CAMK1D: variants seen among roughly 807,000 people sequenced by gnomAD.
CAMK1D encodes the protein calcium/calmodulin dependent protein kinase ID, also known as calcium/calmodulin-dependent protein kinase type 1D.
A neutral mutation model predicts 47.7 loss-of-function variants in CAMK1D; 9 were observed. The observed-to-expected ratio is 0.19, with a 90% confidence interval of 0.11 to 0.33. The LOEUF is 0.33. Ranked by LOEUF, CAMK1D falls within the 10% of genes least tolerant of loss-of-function variation. The probability of loss-of-function intolerance (pLI) is 1.00; values close to 1 mark genes in which losing one functional copy is unlikely to be tolerated. For missense variants in CAMK1D, 291 were observed against 488.7 expected, an observed-to-expected ratio of 0.60 and a Z score of 3.81; for synonymous variants, 184 against 184.9, an observed-to-expected ratio of 0.99 and a Z score of 0.04.
chr10:12,819,473 T>G (rs934754272), intron 8 of CAMK1D, among the ~76,000 whole-genome samples: 10 of 152,284 alleles, frequency 6.6e-5, no homozygotes, highest in African/African-American at 2.4e-4. Context: ...GCTTCACCAC[T>G]CACTGCCCGT....
chr10:12,807,342 G>A (rs975776419), intron 6 of CAMK1D, among the ~76,000 whole-genome samples: 16 of 152,176 alleles, frequency 1.1e-4, no homozygotes, highest in African/African-American at 2.2e-4. Context: ...GCACTGATGC[G>A]GCCACAAGCG....
At chr10:12,491,146 AGTATGT>A (rs1307184611) in intron 1 of CAMK1D, among the ~76,000 whole-genome samples, 1 of 127,876 alleles carries the variant, frequency 7.8e-6, no homozygotes, top group East Asian at 2.4e-4. Context: ...AGGGTATGAG[AGTATGT>A]GTGTGTGTGT....
At chr10:12,769,851 T>C (rs780860654) in intron 5 of CAMK1D, 52 bp downstream of exon 5, 10 of 1,600,876 alleles carry the variant, frequency 6.2e-6, no homozygotes, top group Non-Finnish European at 6.8e-6. Context: ...GATGTCCTCA[T>C]GTGTGGTGTC....
intron 2 of CAMK1D, among the ~76,000 whole-genome samples, chr10:12,604,578 T>C (rs143541391): frequency 6.6e-6 from 1 of 152,302 alleles, no homozygotes; most frequent in African/African-American, 2.4e-5. Context: ...CACTTTTAAT[T>C]ATCTCCAATG....
chr10:12,719,850 C>G (rs1043355137), intron 3 of CAMK1D, among the ~76,000 whole-genome samples: 1 of 152,236 alleles, frequency 6.6e-6, no homozygotes, highest in African/African-American at 2.4e-5. Context: ...CGCATCCCAG[C>G]CTTTAGATTC....
At chr10:12,805,834 A>G (rs114440760) in intron 6 of CAMK1D, among the ~76,000 whole-genome samples, 112 of 152,360 alleles carry the variant, frequency 7.4e-4, no homozygotes, top group African/African-American at 2.6e-3. Flanking sequence ...TGCTGAGCAC[A>G]TGCTGTGTAC....
At chr10:12,783,625 G>A (rs1305319572) in intron 5 of CAMK1D, among the ~76,000 whole-genome samples, 3 of 152,222 alleles carry the variant, frequency 2.0e-5, no homozygotes, top group African/African-American at 4.8e-5. Flanking sequence ...GACAGCTGCT[G>A]TCTTAGTTTC....
intron 3 of CAMK1D, among the ~76,000 whole-genome samples, chr10:12,734,489 T>TATATACAC (rs1835082325): frequency 1.4e-5 from 2 of 138,804 alleles, no homozygotes; most frequent in Non-Finnish European, 3.1e-5. Context: ...TATACACATA[T>TATATACAC]GTATATATAT....
intron 1 of CAMK1D, among the ~76,000 whole-genome samples, chr10:12,446,952 G>T (rs1034064320): frequency 6.6e-6 from 1 of 152,194 alleles, no homozygotes; most frequent in African/African-American, 2.4e-5. Flanking sequence ...TTTTGGAATA[G>T]AACTAGGGAG....
intron 2 of CAMK1D, among the ~76,000 whole-genome samples, chr10:12,631,528 A>G (rs972507198): frequency 2.0e-5 from 3 of 152,198 alleles, no homozygotes; most frequent in Admixed American, 1.3e-4. Context: ...ATTCCAGCCA[A>G]TGGAAACTGG....
intron 2 of CAMK1D, among the ~76,000 whole-genome samples, chr10:12,663,473 G>A (rs1263856337): frequency 1.3e-5 from 2 of 152,116 alleles, no homozygotes; most frequent in Non-Finnish European, 2.9e-5. Context: ...GAAGAAGGTG[G>A]AAGCTAGTTC....
chr10:12,671,040 G>A (rs1169582665), intron 3 of CAMK1D, among the ~76,000 whole-genome samples: 1 of 152,058 alleles, frequency 6.6e-6, no homozygotes, highest in Non-Finnish European at 1.5e-5. Context: ...TCATATGAAT[G>A]GAATTATACA....
At chr10:12,579,712 C>G (rs968067974) in intron 2 of CAMK1D, among the ~76,000 whole-genome samples, 2 of 152,174 alleles carry the variant, frequency 1.3e-5, no homozygotes, top group Admixed American at 6.5e-5. Flanking sequence ...AAACATGAAG[C>G]CTTCCGGACC....
intron 1 of CAMK1D, among the ~76,000 whole-genome samples, chr10:12,405,710 C>T (rs1408315849): frequency 6.6e-6 from 1 of 152,182 alleles, no homozygotes; most frequent in African/African-American, 2.4e-5. Context: ...ATCTATGAGA[C>T]AGGAGTTTGT....
At chr10:12,474,451 CA>C (rs1490296256) in intron 1 of CAMK1D, among the ~76,000 whole-genome samples, 2 of 152,026 alleles carry the variant, frequency 1.3e-5, no homozygotes, top group African/African-American at 4.8e-5. Context: ...CCTCGGCTTC[CA>C]AAAGTGCTGG....
chr10:12,432,522 A>C (rs1033359358), intron 1 of CAMK1D, among the ~76,000 whole-genome samples: 1 of 152,220 alleles, frequency 6.6e-6, no homozygotes, highest in African/African-American at 2.4e-5. Flanking sequence ...TGAATGGGCA[A>C]GTGAACAAAT....
chr10:12,651,953 G>C (rs895619229), intron 2 of CAMK1D, among the ~76,000 whole-genome samples: 4 of 151,246 alleles, frequency 2.6e-5, no homozygotes, highest in Admixed American at 2.6e-4. Flanking sequence ...TAATTTTTTT[G>C]TATTTTCAGT....
intron 1 of CAMK1D, among the ~76,000 whole-genome samples, chr10:12,527,755 A>G (rs1835674752): frequency 6.6e-6 from 1 of 152,202 alleles, no homozygotes; most frequent in African/African-American, 2.4e-5. Context: ...TACTTCTTCA[A>G]CTTTCGACTT....
At chr10:12,481,791 G>A (rs962094556) in intron 1 of CAMK1D, among the ~76,000 whole-genome samples, 13 of 152,112 alleles carry the variant, frequency 8.5e-5, no homozygotes, top group African/African-American at 2.7e-4. Context: ...TACAGGTGTA[G>A]GCCACCACGC....
Sources: allele counts gnomAD v4.1 joint callset (sites outside exome capture counted in the v4.1 genomes callset), GRCh38; gene constraint gnomAD v4.1.1; transcripts MANE v1.5; gene names NCBI Gene and HGNC (gene_info 2026-07-23, HGNC 2026-07-21).